The following ALCAM variants were observed in gnomAD, a reference collection of about 807,000 sequenced individuals.
ALCAM encodes CD166 antigen.
Under a neutral mutation model 70.9 loss-of-function variants are expected in ALCAM, and 30 were observed. The observed-to-expected ratio is 0.42, with a 90% CI of 0.32 to 0.57. ALCAM has a LOEUF of 0.57. Among genes scored for constraint, ALCAM ranks in the 20% least tolerant of loss-of-function variants. The probability of loss-of-function intolerance (pLI) is 0.11; values close to 1 mark genes in which losing one functional copy is unlikely to be tolerated. For synonymous variants in ALCAM, 249 were observed against 242.5 expected (o/e 1.03, Z -0.25); for missense variants, 591 against 695.1 (o/e 0.85, Z 1.68).
chr3:105,418,928 C>A (rs2107411282), intron 1 of ALCAM, among the ~76,000 whole-genome samples: 1 of 151,770 alleles, frequency 6.6e-6, no homozygotes, highest in East Asian at 1.9e-4. Flanking sequence ...CTACCATTTT[C>A]TTTCTTTCTT....
At chr3:105,466,979 G>A (rs187146352) in intron 1 of ALCAM, among the ~76,000 whole-genome samples, 12 of 151,470 alleles carry the variant, frequency 7.9e-5, no homozygotes, top group Admixed American at 2.6e-4. Context: ...TCAATTTGCA[G>A]GTAGAAGAGA....
At chr3:105,403,662 C>G (rs528993646) in intron 1 of ALCAM, among the ~76,000 whole-genome samples, 1 of 151,780 alleles carries the variant, frequency 6.6e-6, no homozygotes, top group Non-Finnish European at 1.5e-5. Flanking sequence ...TCTGGTAATA[C>G]GACAAAAGAG....
At chr3:105,396,698 TG>T (rs1312934929) in intron 1 of ALCAM, among the ~76,000 whole-genome samples, 1 of 152,022 alleles carries the variant, frequency 6.6e-6, no homozygotes, top group East Asian at 1.9e-4. Flanking sequence ...CTGTCCTTGA[TG>T]TTCATGGTGT....
intron 2 of ALCAM, among the ~76,000 whole-genome samples, chr3:105,521,129 G>A (rs931285678): frequency 6.7e-6 from 1 of 150,322 alleles, no homozygotes; most frequent in Admixed American, 6.6e-5. Flanking sequence ...GTGAAACCCC[G>A]TCTCTACTAA....
chr3:105,544,927 TAAGG>T, intron 8 of ALCAM: 1 of 284,048 alleles, frequency 3.5e-6, no homozygotes, highest in Non-Finnish European at 6.9e-6. Flanking sequence ...TTTTTTTTCT[TAAGG>T]TGATAGGCCC....
At chr3:105,504,129 C>G (rs1268903290) in intron 1 of ALCAM, among the ~76,000 whole-genome samples, 2 of 152,082 alleles carry the variant, frequency 1.3e-5, no homozygotes, top group Non-Finnish European at 2.9e-5. Flanking sequence ...GGGAAAGTTC[C>G]CTTGTCCCCC....
At chr3:105,552,711 A>G in intron 14 of ALCAM, 126 bp downstream of exon 14, 1 of 1,529,322 alleles carries the variant, frequency 6.5e-7, no homozygotes, top group South Asian at 1.3e-5. Flanking sequence ...TCCCCAAATC[A>G]GGTTGATTAT....
chr3:105,524,759 G>A (rs181830463), intron 3 of ALCAM: 128 of 1,241,002 alleles, frequency 1.0e-4, no homozygotes, highest in African/African-American at 9.4e-4. Context: ...TAAAAATGTC[G>A]TGAGCTATGA....
At chr3:105,383,176 C>A (rs1935570299) in intron 1 of ALCAM, among the ~76,000 whole-genome samples, 1 of 151,724 alleles carries the variant, frequency 6.6e-6, no homozygotes, top group South Asian at 2.1e-4. Flanking sequence ...AGAAATTCTT[C>A]CCTGATCTCT....
At chr3:105,461,162 T>A (rs1252433519) in intron 1 of ALCAM, among the ~76,000 whole-genome samples, 1 of 151,800 alleles carries the variant, frequency 6.6e-6, no homozygotes, top group Admixed American at 6.6e-5. Flanking sequence ...CTGATAGGAA[T>A]ATGTGGCTGG....
In ALCAM at chr3:105,547,443, A is replaced by G; in HGVS notation, c.1294A>G (p.Thr432Ala). 1 of 1,610,626 alleles carries G rather than the reference A, an allele frequency of 6.2e-7. No individual in the cohort carries two copies. ...AACTGATCCCAGTGGACTATCTAAA[A>G]CAATAATCTGCCATGTGGAAGGTTT... The part of the protein sequence containing the change: ...KKTDPSGLSK[T>A]IICHVEGFPK... Residue 432 changes from threonine (T) to alanine (A), a missense_variant, in exon 11 of 16, where the codon ACA (threonine) becomes GCA (alanine). Thr to Ala is a moderately conservative substitution (Grantham distance 58). Around this residue, in one of 2 missense-constraint regions of ALCAM, gnomAD observed 164 missense variants for 244.7 expected, o/e 0.67. Transcript: ENST00000306107.
chr3:105,434,419 C>A (rs1937006001), intron 1 of ALCAM, among the ~76,000 whole-genome samples: 1 of 152,054 alleles, frequency 6.6e-6, no homozygotes, highest in Admixed American at 6.6e-5. Flanking sequence ...AATATGCTTG[C>A]ACTTAAAACT....
intron 14 of ALCAM, among the ~76,000 whole-genome samples, chr3:105,564,519 A>G (rs1940703081): frequency 6.6e-6 from 1 of 152,176 alleles, no homozygotes; most frequent in Non-Finnish European, 1.5e-5. Context: ...CTTTGACATT[A>G]CTGGGAGTGC....
At chr3:105,377,471 CCTTTCTTAAACTCTCTTCAT>C (rs1185976494) in intron 1 of ALCAM, among the ~76,000 whole-genome samples, 3 of 151,940 alleles carry the variant, frequency 2.0e-5, no homozygotes, top group African/African-American at 7.2e-5. Context: ...TAAGATAATG[CCTTTCTTAAACTCTCTTCAT>C]AAATCTGTAC....
chr3:105,459,767 G>C (rs1444638800), intron 1 of ALCAM, among the ~76,000 whole-genome samples: 1 of 151,980 alleles, frequency 6.6e-6, no homozygotes, highest in African/African-American at 2.4e-5. Flanking sequence ...TGACATCATT[G>C]CTGTGTGATT....
intron 1 of ALCAM, among the ~76,000 whole-genome samples, chr3:105,447,027 A>T (rs1937317200): frequency 2.0e-5 from 3 of 152,212 alleles, no homozygotes; most frequent in Admixed American, 2.0e-4. Context: ...CACAAAAAAA[A>T]ATGATAAATG....
chr3:105,506,100 G>T (rs965469627), intron 1 of ALCAM, among the ~76,000 whole-genome samples: 1 of 152,062 alleles, frequency 6.6e-6, no homozygotes, highest in African/African-American at 2.4e-5. Context: ...ACAAATTTAT[G>T]GATTTCTACA....
intron 8 of ALCAM, among the ~76,000 whole-genome samples, chr3:105,542,750 G>A (rs1940153246): frequency 6.6e-6 from 1 of 151,740 alleles, no homozygotes; most frequent in Admixed American, 6.6e-5. Flanking sequence ...GATACAGGGA[G>A]GTACATTGGG....
At chr3:105,524,613 G>T (rs939635082) in intron 3 of ALCAM, 105 bp downstream of exon 3, 16 of 1,519,248 alleles carry the variant, frequency 1.1e-5, no homozygotes, top group Non-Finnish European at 1.3e-5. Flanking sequence ...TCTATAGCAG[G>T]TATCTATATA....
Sources: allele counts gnomAD v4.1 joint callset (sites outside exome capture counted in the v4.1 genomes callset), GRCh38; gene constraint gnomAD v4.1.1; regional missense constraint gnomAD v4.1.1; transcripts MANE v1.5; gene names NCBI Gene and HGNC (gene_info 2026-07-23, HGNC 2026-07-21).